The following ZG16 variants were observed in gnomAD, a reference collection of about 807,000 sequenced individuals.
The protein encoded by ZG16 is zymogen granule protein 16, also known as zymogen granule membrane protein 16.
In ZG16, 9 loss-of-function variants were observed where a neutral mutation model predicts 15.6. That is an observed-to-expected ratio of 0.58 (90% CI 0.35 to 1.00). ZG16 has a LOEUF of 1.00. Among genes scored for constraint, ZG16 ranks in the 50% least tolerant of loss-of-function variants. ZG16 has a pLI of 0.02. For synonymous variants in ZG16, 89 were observed against 87.4 expected (o/e 1.02, Z -0.10); for missense variants, 174 against 214.8 (o/e 0.81, Z 1.19).
At position 29,781,806 on chromosome 16, in the gene ZG16, A is replaced by C. The variant is rs546903422; in HGVS notation, c.*1387A>C. 6.6e-6 allele frequency: 1 copy of C among 152,302 alleles called. No homozygotes were observed. Among genetic ancestry groups the C allele is most frequent in the Non-Finnish European group, 1.5e-5 (1 of 68,050 alleles). 9.4% of individuals were successfully genotyped at this position (152,302 alleles called of 1,614,324 possible). ...AAAAAGGAATGTTATCAGTATCAAA[A>C]TGGAGTAACATATGTCACATCCTAA... On this transcript the variant is annotated 3_prime_UTR_variant, in exon 4 of 4. Transcript: ENST00000400752.
rs1283361731 is a variant in ZG16 at position 29,782,684 on chromosome 16, C to T, written c.*2265C>T. 6.6e-6 allele frequency: 1 copy of T among 152,212 alleles called. No individual in the cohort carries two copies. Among genetic ancestry groups the T allele is most frequent in the Non-Finnish European group, 1.5e-5 (1 of 68,032 alleles). 9.4% of individuals were successfully genotyped at this position (152,212 alleles called of 1,614,324 possible). On this transcript the variant is annotated 3_prime_UTR_variant, in exon 4 of 4. Transcript: ENST00000400752. The stretch of plus-strand genomic sequence containing the variant: ...GCCCCAGCCTCTTCTTTGGCAGGGG[C>T]ACTGTGGTGAGGAGGAAGGATTCCC...
Position 29,782,960 on chromosome 16 carries a change from C to G in ZG16, c.*2541C>G, listed in dbSNP as rs1009463038. 7 of 152,178 alleles carry G rather than the reference C, an allele frequency of 4.6e-5. No homozygotes were observed. Among genetic ancestry groups the G allele is most frequent in the African/African-American group, 1.7e-4 (7 of 41,446 alleles). The allele number at this position is 152,178 out of a possible 1,614,324, so 9.4% of individuals were successfully genotyped here. On this transcript the variant is annotated 3_prime_UTR_variant, in exon 4 of 4. Transcript: ENST00000400752. ...CATTTATCAGTTCCCAAATAATACT[C>G]TTATAATTTCTTATGCCTGTCTTTA... is the stretch of plus-strand genomic sequence containing the variant.
chr16:29,781,342 GAGAA>G lies in ZG16; in HGVS notation c.*927_*930del, dbSNP rs1323863452. ...TGTTCACATGATAAAGAGGAAGAAA[GAGAA>G]AGAGGCTGGAGATTCTGAAAAGAGA... On this transcript the variant is annotated 3_prime_UTR_variant, in exon 4 of 4. Transcript: ENST00000400752. 1 of 152,234 alleles carries G rather than the reference GAGAA, an allele frequency of 6.6e-6. No individual in the cohort carries two copies. Among genetic ancestry groups the G allele is most frequent in the East Asian group, 1.9e-4 (1 of 5,204 alleles). The allele number at this position is 152,234 out of a possible 1,614,324, so 9.4% of individuals were successfully genotyped here.
chr16:29,782,552 G>C lies in ZG16; in HGVS notation c.*2133G>C, dbSNP rs1898635011. ...GAAAAGTTCAAGTCCCACCTGAAACGCAACACAGCATCATGCTCTGATTCA... is the reference window on the plus strand; with the variant it reads ...GAAAAGTTCAAGTCCCACCTGAAACCCAACACAGCATCATGCTCTGATTCA... On this transcript the variant is annotated 3_prime_UTR_variant, in exon 4 of 4. Transcript: ENST00000400752. 1 of 152,178 alleles carries C rather than the reference G, an allele frequency of 6.6e-6. No individual in the cohort carries two copies. The highest frequency in any genetic ancestry group is 2.4e-5 in the African/African-American group (1 of 41,436). The allele number at this position is 152,178 out of a possible 1,614,324, so 9.4% of individuals were successfully genotyped here.
intron 1 of ZG16, among the ~76,000 whole-genome samples, chr16:29,778,588 CCTT>C (rs201883468): frequency 0.016 from 2,408 of 152,254 alleles, 64 homozygotes; most frequent in African/African-American, 0.054. Context: ...GGTCCCGACT[CCTT>C]CTGCAACTTC....
In ZG16 at chr16:29,780,189, G is replaced by T. The variant is rs747455915; in HGVS notation, c.274G>T (p.Glu92Ter). The T allele has an allele frequency of 3.3e-6, 5 of 1,537,246 alleles. No individual in the cohort carries two copies. The highest frequency in any genetic ancestry group is 1.2e-5 in the South Asian group (1 of 84,068). Reference protein sequence around the residue: ...DLEEIFLHPGESVIQVSGKYK... With the variant: ...DLEEIFLHPG The stretch of plus-strand genomic sequence containing the variant: ...GGAGGAGATCTTTCTGCACCCTGGG[G>T]AATCAGTGATCCAGGTTTCTGGGAA... The change falls in exon 4 of 4, where the codon GAA becomes TAA. Residue 92 changes from glutamate (E) to a stop codon, truncating the protein, a stop_gained. Transcript: ENST00000400752. LOFTEE classifies it high-confidence loss of function.
rs1280924401 is a variant in ZG16 at position 29,780,356 on chromosome 16, T to C, written c.441T>C (p.Gly147=). The C allele has an allele frequency of 3.3e-6, 5 of 1,537,268 alleles. No individual in the cohort carries two copies. Among genetic ancestry groups the C allele is most frequent in the Non-Finnish European group, 3.5e-6 (4 of 1,146,926 alleles). The change falls in exon 4 of 4, where the codon GGT becomes GGC. Residue 147 remains glycine (G), a synonymous_variant. Transcript: ENST00000400752. ...TVLRFISGRS[G]SLIDAIGLHW... Reference sequence around the variant, plus strand: ...TCCGCTTCATCAGTGGCCGGTCTGGTTCTCTCATCGATGCCATTGGCCTGC... The same window carrying C: ...TCCGCTTCATCAGTGGCCGGTCTGGCTCTCTCATCGATGCCATTGGCCTGC...
intron 1 of ZG16, 63 bp from the exon 2 acceptor site, chr16:29,779,197 T>G: frequency 6.6e-7 from 1 of 1,508,368 alleles, no homozygotes; most frequent in Non-Finnish European, 8.9e-7. Flanking sequence ...CAGGAGTGCC[T>G]GGGTCAATCA....
chr16:29,780,227 C>A lies in ZG16; in HGVS notation c.312C>A (p.Tyr104Ter). 3 of 1,537,450 alleles carry A rather than the reference C, an allele frequency of 2.0e-6. No homozygotes were observed. Among genetic ancestry groups the A allele is most frequent in the Non-Finnish European group, 2.6e-6 (3 of 1,146,950 alleles). Residue 104 changes from tyrosine to a stop codon, truncating the protein, a stop_gained, in exon 4 of 4, where the codon TAC (tyrosine) becomes TAA (stop). Transcript: ENST00000400752. LOFTEE classifies it high-confidence loss of function. ...VIQVSGKYKW[Y>*]LKKLVFVTDK... is the part of the protein sequence containing the mutation. ...AGGTTTCTGGGAAGTACAAGTGGTA[C>A]CTGAAGAAGCTGGTATTTGTGACAG...
In ZG16 at chr16:29,779,559, G is replaced by A. The variant is rs1200755175; in HGVS notation, c.110G>A (p.Arg37Gln). ...SGEYGGGGGK[R>Q]FSHSGNQLDG... ...GAGTATGGAGGTGGTGGTGGAAAGC[G>A]ATTCTCTCATTCTGGCAACCAGTTG... The change falls in exon 3 of 4, where the codon CGA (arginine) becomes CAA (glutamine). Residue 37 changes from arginine (R) to glutamine (Q), a missense_variant. By Grantham distance (43) the Arg-to-Gln change is conservative. Transcript: ENST00000400752. 3 of 1,537,162 alleles carry A rather than the reference G, an allele frequency of 2.0e-6. No homozygotes were observed. Among genetic ancestry groups the A allele is most frequent in the South Asian group, 2.4e-5 (2 of 84,060 alleles).
rs998414334 is a variant in ZG16 at position 29,780,392 on chromosome 16, T to C, written c.477T>C (p.Val159=). Residue 159 remains valine (V), a synonymous_variant, in exon 4 of 4, where the codon GTT becomes GTC. Coordinates refer to ENST00000400752, the MANE Select transcript of ZG16 (RefSeq NM_152338.4). The part of the protein sequence containing the change: ...LIDAIGLHWD[V]YPSSCSRC ...ATGCCATTGGCCTGCACTGGGATGTTTACCCCAGTAGCTGCAGCAGATGCT... is the reference window on the plus strand; with the variant it reads ...ATGCCATTGGCCTGCACTGGGATGTCTACCCCAGTAGCTGCAGCAGATGCT... 1 of 1,534,832 alleles carries C rather than the reference T, an allele frequency of 6.5e-7. No homozygotes were observed. The highest frequency in any genetic ancestry group is 1.4e-5 in the African/African-American group (1 of 73,116).
chr16:29,779,599 C>T lies in ZG16; in HGVS notation c.150C>T (p.Thr50=), dbSNP rs182512907. The change falls in exon 3 of 4, where the codon ACC becomes ACT. Residue 50 remains threonine (T), a synonymous_variant. Coordinates refer to ENST00000400752, the MANE Select transcript of ZG16 (RefSeq NM_152338.4). ...GCAACCAGTTGGACGGCCCCATCACCGCCCTCCGGGTCCGAGTCAACACAT... is the reference window on the plus strand; with the variant it reads ...GCAACCAGTTGGACGGCCCCATCACTGCCCTCCGGGTCCGAGTCAACACAT... ...HSGNQLDGPI[T]ALRVRVNTYY... is the part of the protein sequence containing the mutation. The T allele has an allele frequency of 4.4e-4, 677 of 1,536,930 alleles. 1 individual carries two copies. The African/African-American group carries it at 8.4e-3, about 19-fold the overall frequency.
rs1167501617 is a variant in ZG16, at chr16:29,782,735, T to G, written c.*2316T>G. The G allele has an allele frequency of 1.3e-5, 2 of 152,718 alleles. No homozygotes were observed. The highest frequency in any genetic ancestry group is 2.9e-5 in the Non-Finnish European group (2 of 68,044). The allele number at this position is 152,718 out of a possible 1,614,324, so 9.5% of individuals were successfully genotyped here. A position where few individuals can be genotyped will look rare whatever the true frequency, so the allele number is the denominator to read the frequency against. On this transcript the variant is annotated 3_prime_UTR_variant, in exon 4 of 4. Coordinates refer to ENST00000400752, the MANE Select transcript of ZG16 (RefSeq NM_152338.4). Reference sequence around the variant, plus strand: ...TTATCACAAATCTCCATCCAATTGGTTCTATAAACAGATATGGTGGCCCAA... The same window carrying G: ...TTATCACAAATCTCCATCCAATTGGGTCTATAAACAGATATGGTGGCCCAA...
intron 3 of ZG16, 21 bp downstream of exon 3, chr16:29,779,658 G>T: frequency 6.5e-7 from 1 of 1,536,538 alleles, no homozygotes; most frequent in Non-Finnish European, 8.7e-7. Context: ...TTGAATTCCT[G>T]GCTGGGCGCG....
At chr16:29,779,232 T>C (rs1216040977) in intron 1 of ZG16, 28 bp from the exon 2 acceptor site, 5 of 1,536,980 alleles carry the variant, frequency 3.3e-6, no homozygotes, top group Non-Finnish European at 4.4e-6. Flanking sequence ...AAGGTGAATC[T>C]TCATTTGCTC....
chr16:29,780,262 G>A lies in ZG16; in HGVS notation c.347G>A (p.Arg116His), dbSNP rs1309109663. ...KKLVFVTDKG[R>H]YLSFGKDSGT... Reference sequence around the variant, plus strand: ...CTGGTATTTGTGACAGACAAGGGCCGCTATCTGTCTTTTGGGAAAGACAGT... The same window carrying A: ...CTGGTATTTGTGACAGACAAGGGCCACTATCTGTCTTTTGGGAAAGACAGT... The change falls in exon 4 of 4, where the codon CGC becomes CAC. Residue 116 changes from arginine to histidine, a missense_variant. Physicochemically the swap from Arg to His is conservative, Grantham distance 29. Transcript: ENST00000400752. 22 of 1,537,340 alleles carry A rather than the reference G, an allele frequency of 1.4e-5. No homozygotes were observed. The highest frequency in any genetic ancestry group is 3.6e-5 in the South Asian group (3 of 84,066).
rs2142353941 is a variant in ZG16 at position 29,780,592 on chromosome 16, G to A, written c.*173G>A. The A allele has an allele frequency of 3.2e-6, 2 of 617,556 alleles. No individual in the cohort carries two copies. The allele number at this position is 617,556 out of a possible 1,614,324, so 38.3% of individuals were successfully genotyped here. A position where few individuals can be genotyped will look rare whatever the true frequency, so the allele number is the denominator to read the frequency against. On this transcript the variant is annotated 3_prime_UTR_variant, in exon 4 of 4. Transcript: ENST00000400752. ...CCGGGGACGTGCAAATCTCACTTCT[G>A]GCTGGCTTTGGACATCTGTCTGGAA...
rs1379985443 is a variant in ZG16 at position 29,782,522 on chromosome 16, G to A, written c.*2103G>A. 1 of 152,144 alleles carries A rather than the reference G, an allele frequency of 6.6e-6. No homozygotes were observed. The allele number at this position is 152,144 out of a possible 1,614,324, so 9.4% of individuals were successfully genotyped here. A position where few individuals can be genotyped will look rare whatever the true frequency, so the allele number is the denominator to read the frequency against. On this transcript the variant is annotated 3_prime_UTR_variant, in exon 4 of 4. Transcript: ENST00000400752. The stretch of plus-strand genomic sequence containing the variant: ...TTTGAAGGTCTCAGTGTGTATGCAG[G>A]TCCTGAAAAGTTCAAGTCCCACCTG...
At chr16:29,778,504 T>C (rs1241142550) in intron 1 of ZG16, among the ~76,000 whole-genome samples, 198 bp downstream of exon 1, 1 of 134,872 alleles carries the variant, frequency 7.4e-6, no homozygotes, top group East Asian at 2.2e-4. Flanking sequence ...AGAATAGAAA[T>C]GGCCAGATGT....
Sources: gnomAD v4.1 joint callset for allele counts (sites outside exome capture counted in the v4.1 genomes callset) on GRCh38, gnomAD v4.1.1 for gene constraint, MANE v1.5 for transcripts, NCBI Gene and HGNC (gene_info 2026-07-23, HGNC 2026-07-21) for gene names.